RNF180: variants seen among roughly 807,000 people sequenced by gnomAD.
The protein encoded by RNF180 is ring finger protein 180, also known as E3 ubiquitin-protein ligase RNF180.
RNF180 carries 38 observed loss-of-function variants against 59.2 expected under a neutral mutation model. That is an observed-to-expected ratio of 0.64 (90% CI 0.50 to 0.84). The LOEUF (loss-of-function observed/expected upper bound fraction) is 0.84, where lower values mean the gene tolerates loss of function less well. RNF180 is among the 40% of genes least tolerant of loss of function. The probability of loss-of-function intolerance (pLI) is 0.00; values close to 1 mark genes in which losing one functional copy is unlikely to be tolerated. For missense variants in RNF180, 705 were observed against 700.9 expected, an observed-to-expected ratio of 1.01 and a Z score of -0.07; for synonymous variants, 262 against 240.3, an observed-to-expected ratio of 1.09 and a Z score of -0.84.
At chr5:64,291,591 A>ATT (rs371191205) in intron 5 of RNF180, among the ~76,000 whole-genome samples, 2 of 149,556 alleles carry the variant, frequency 1.3e-5, no homozygotes, top group African/African-American at 4.9e-5. Flanking sequence ...CACCCGGCTA[A>ATT]TTTTTTTTTG....
chr5:64,300,305 A>T (rs1270625140), intron 5 of RNF180, among the ~76,000 whole-genome samples: 1 of 151,822 alleles, frequency 6.6e-6, no homozygotes, highest in African/African-American at 2.4e-5. Flanking sequence ...GCGAAAGTTA[A>T]ACCCACAATG....
chr5:64,218,428 T>C (rs1214575391), intron 5 of RNF180, among the ~76,000 whole-genome samples: 1 of 152,196 alleles, frequency 6.6e-6, no homozygotes, highest in Non-Finnish European at 1.5e-5. Flanking sequence ...ATAAGTTGTC[T>C]GAAAATGTGT....
intron 5 of RNF180, among the ~76,000 whole-genome samples, chr5:64,275,077 G>A (rs1741639618): frequency 6.6e-6 from 1 of 151,602 alleles, no homozygotes; most frequent in Non-Finnish European, 1.5e-5. Flanking sequence ...TCTGAGACTA[G>A]AATTACAAAT....
intron 7 of RNF180, among the ~76,000 whole-genome samples, chr5:64,333,557 GA>G (rs1243930401): frequency 6.6e-6 from 1 of 151,158 alleles, no homozygotes; most frequent in African/African-American, 2.5e-5. Flanking sequence ...TCATACCAAA[GA>G]AAAGTAAGTT....
intron 7 of RNF180, among the ~76,000 whole-genome samples, chr5:64,352,643 C>T (rs947279326): frequency 6.6e-6 from 1 of 152,020 alleles, no homozygotes; most frequent in South Asian, 2.1e-4. Flanking sequence ...TTATTTCTGC[C>T]TTCAAAGAAA....
chr5:64,213,682 G>C lies in RNF180; in HGVS notation c.356G>C (p.Arg119Pro), dbSNP rs146084819. 6.2e-7 allele frequency: 1 copy of C among 1,613,928 alleles called. No homozygotes were observed. The highest frequency in any genetic ancestry group is 1.3e-5 in the African/African-American group (1 of 74,882). The change falls in exon 4 of 8, where the codon CGG (arginine) becomes CCG (proline). Residue 119 changes from arginine to proline, a missense_variant. Physicochemically the swap from Arg to Pro is moderately radical, Grantham distance 103 (BLOSUM62 -2). Coordinates refer to ENST00000389100, the MANE Select transcript of RNF180 (RefSeq NM_001113561.2). ...QLAAVHLSKS[R>P]TDYQPTQAGR... is the part of the protein sequence containing the mutation. ...GCAGCTGTACATCTCTCCAAGAGCC[G>C]GACTGATTATCAGCCAACACAGGCA...
intron 7 of RNF180, among the ~76,000 whole-genome samples, chr5:64,338,052 C>G (rs533311187): frequency 3.3e-4 from 50 of 152,176 alleles, no homozygotes; most frequent in Middle Eastern, 3.4e-3. Context: ...AATGGTATTT[C>G]TAGTTCTAGA....
rs1263937427 is a variant in RNF180, at chr5:64,213,559, C to A, written c.233C>A (p.Ala78Asp). 2.5e-6 allele frequency: 4 copies of A among 1,610,248 alleles called. No homozygotes were observed. Among genetic ancestry groups the A allele is most frequent in the Non-Finnish European group, 3.4e-6 (4 of 1,177,374 alleles). Residue 78 changes from alanine to aspartate, a missense_variant and splice_region_variant, in exon 4 of 8, where the codon GCC (alanine) becomes GAC (aspartate). Coordinates refer to ENST00000389100, the MANE Select transcript of RNF180 (RefSeq NM_001113561.2). ...TTTATTCTTCTTTATTACCTGTAGG[C>A]CCAGTGGACAGTTGGAAAACTGAAT... ...PEWISCLIQKAQWTVGKLNCP... is the reference protein window; with the variant it reads ...PEWISCLIQKDQWTVGKLNCP...
chr5:64,229,370 G>A (rs1741979000), intron 5 of RNF180, among the ~76,000 whole-genome samples: 1 of 152,032 alleles, frequency 6.6e-6, no homozygotes, highest in South Asian at 2.1e-4. Flanking sequence ...AACACTAGAG[G>A]GCACCAAATT....
At chr5:64,176,278 A>T (rs1158693196) in intron 1 of RNF180, among the ~76,000 whole-genome samples, 1 of 151,632 alleles carries the variant, frequency 6.6e-6, no homozygotes, top group Non-Finnish European at 1.5e-5. Flanking sequence ...TTTTCATAAT[A>T]TTTTCCTTTG....
intron 7 of RNF180, among the ~76,000 whole-genome samples, chr5:64,343,159 C>T (rs1401880987): frequency 6.6e-6 from 1 of 152,042 alleles, no homozygotes; most frequent in Non-Finnish European, 1.5e-5. Context: ...AATAGAAACA[C>T]ATCTCCTCTT....
At chr5:64,237,901 C>T (rs72752817) in intron 5 of RNF180, among the ~76,000 whole-genome samples, 11,814 of 152,138 alleles carry the variant, frequency 0.078, 632 homozygotes, top group South Asian at 0.16. Context: ...CCTTTCTTCC[C>T]CTTTACCTTC....
At chr5:64,236,929 A>G (rs1449063992) in intron 5 of RNF180, among the ~76,000 whole-genome samples, 1 of 152,178 alleles carries the variant, frequency 6.6e-6, no homozygotes, top group Admixed American at 6.5e-5. Flanking sequence ...ATTTCAGAGT[A>G]TATATGGAAA....
At chr5:64,317,274 C>A (rs1404733611) in intron 5 of RNF180, among the ~76,000 whole-genome samples, 1 of 151,890 alleles carries the variant, frequency 6.6e-6, no homozygotes, top group Non-Finnish European at 1.5e-5. Flanking sequence ...TTTCCCAGTG[C>A]ATATAAAAAG....
intron 5 of RNF180, among the ~76,000 whole-genome samples, chr5:64,267,297 A>G (rs1452496692): frequency 6.6e-6 from 1 of 152,128 alleles, no homozygotes; most frequent in Non-Finnish European, 1.5e-5. Flanking sequence ...CAGGCTTAAG[A>G]AAGTAATTAC....
chr5:64,352,403 T>A (rs928270912), intron 7 of RNF180, among the ~76,000 whole-genome samples: 7 of 152,124 alleles, frequency 4.6e-5, no homozygotes, highest in Non-Finnish European at 8.8e-5. Context: ...TCTATCTCCT[T>A]CAATTCTGCT....
At position 64,213,797 on chromosome 5, in the gene RNF180, C is replaced by T. The variant is rs143784893; in HGVS notation, c.471C>T (p.Gly157=). The change falls in exon 4 of 8, where the codon GGC becomes GGT. Residue 157 remains glycine, a synonymous_variant. Transcript: ENST00000389100. ...CDKEALLTGG[G]SENRNHRLLN... Reference sequence around the variant, plus strand: ...AGGAAGCTCTGCTGACAGGTGGTGGCTCTGAAAACAGAAATCACAGGCTTT... The same window carrying T: ...AGGAAGCTCTGCTGACAGGTGGTGGTTCTGAAAACAGAAATCACAGGCTTT... The T allele has an allele frequency of 1.3e-5, 21 of 1,614,006 alleles. No individual in the cohort carries two copies. In the African/African-American group the frequency reaches 2.4e-4, roughly 18 times the overall value.
chr5:64,194,272 G>C (rs1393437984), intron 1 of RNF180, among the ~76,000 whole-genome samples: 1 of 151,956 alleles, frequency 6.6e-6, no homozygotes, highest in Non-Finnish European at 1.5e-5. Context: ...TTTTGTCCTT[G>C]CGATAGTTTG....
intron 5 of RNF180, among the ~76,000 whole-genome samples, chr5:64,255,164 C>A (rs1743857563): frequency 6.6e-6 from 1 of 152,040 alleles, no homozygotes; most frequent in Non-Finnish European, 1.5e-5. Context: ...CTTCACAATT[C>A]TTGGTATATT....
Sources: allele counts gnomAD v4.1 joint callset (sites outside exome capture counted in the v4.1 genomes callset), GRCh38; gene constraint gnomAD v4.1.1; transcripts MANE v1.5; gene names NCBI Gene and HGNC (gene_info 2026-07-23, HGNC 2026-07-21).